SMIM10L3: variants seen among roughly 807,000 people sequenced by gnomAD.
SMIM10L3 encodes salivary gland specific protein SAGSIN1.
At chr7:6,344,478 A>C in the SMIM10L3 span, among the ~76,000 whole-genome samples, 1 of 152,022 alleles carries the variant, frequency 6.6e-6, no homozygotes, top group Non-Finnish European at 1.5e-5. Context: ...CCTGGAGTAC[A>C]GTGGTACAAT....
At chr7:6,334,053 A>G in the SMIM10L3 span, among the ~76,000 whole-genome samples, 5 of 150,770 alleles carry the variant, frequency 3.3e-5, no homozygotes, top group Non-Finnish European at 7.4e-5. Context: ...TCACCATGTT[A>G]GCCAGGATGG....
chr7:6,337,889 C>T, the SMIM10L3 span, among the ~76,000 whole-genome samples: 11,719 of 151,520 alleles, frequency 0.077, 1,188 homozygotes, highest in East Asian at 0.51. Flanking sequence ...CTGCAACCTC[C>T]GCCTCCCAGG....
chr7:6,333,087 G>A, the SMIM10L3 span, among the ~76,000 whole-genome samples: 1 of 151,216 alleles, frequency 6.6e-6, no homozygotes. Flanking sequence ...AACCCGGGAG[G>A]CAGAGGTTGC....
the SMIM10L3 span, chr7:6,330,087 G>A: frequency 2.7e-6 from 1 of 369,282 alleles, no homozygotes; most frequent in East Asian, 6.3e-5. Context: ...AGAACTTCAT[G>A]GTAAATCCGT....
chr7:6,339,453 T>C, the SMIM10L3 span, among the ~76,000 whole-genome samples: 76,676 of 151,696 alleles, frequency 0.51, 21,474 homozygotes, highest in East Asian at 0.88. Flanking sequence ...AAATAAATCA[T>C]CTGCCCCTAT....
chr7:6,332,576 T>C, the SMIM10L3 span, among the ~76,000 whole-genome samples: 2 of 151,846 alleles, frequency 1.3e-5, no homozygotes, highest in Non-Finnish European at 2.9e-5. Context: ...TCAGCAGCTA[T>C]AGTCCCAGAT....
At chr7:6,343,748 G>T in the SMIM10L3 span, among the ~76,000 whole-genome samples, 2 of 151,942 alleles carry the variant, frequency 1.3e-5, no homozygotes, top group African/African-American at 4.8e-5. Context: ...TCCTAAAGAG[G>T]TATTAACCTC....
chr7:6,346,921 G>A, the SMIM10L3 span, among the ~76,000 whole-genome samples: 2 of 152,134 alleles, frequency 1.3e-5, no homozygotes, highest in Admixed American at 6.6e-5. Context: ...CCCAAAGGAG[G>A]GTCCCTCCTT....
the SMIM10L3 span, among the ~76,000 whole-genome samples, chr7:6,337,616 G>A: frequency 6.6e-5 from 10 of 151,292 alleles, 1 homozygote; most frequent in African/African-American, 1.7e-4. Context: ...GCAAACTAAC[G>A]CAGTATAAGG....
the SMIM10L3 span, among the ~76,000 whole-genome samples, chr7:6,332,072 A>G: frequency 1.3e-5 from 2 of 149,888 alleles, no homozygotes; most frequent in African/African-American, 4.9e-5. Flanking sequence ...AGATCATGCC[A>G]CTGCACTCCA....
chr7:6,343,118 T>C, the SMIM10L3 span, among the ~76,000 whole-genome samples: 1 of 151,340 alleles, frequency 6.6e-6, no homozygotes, highest in South Asian at 2.1e-4. Context: ...GGCTTACACC[T>C]GTAATCCCAG....
the SMIM10L3 span, chr7:6,330,245 A>G: frequency 3.4e-6 from 3 of 892,204 alleles, no homozygotes; most frequent in Non-Finnish European, 5.1e-6. Context: ...ATTTACTTTA[A>G]GTCTGCCAGG....
chr7:6,330,868 G>A, the SMIM10L3 span: 7 of 1,614,076 alleles, frequency 4.3e-6, no homozygotes, highest in African/African-American at 1.3e-5. Flanking sequence ...AGTGGCTGCT[G>A]AGGCTGGATT....
the SMIM10L3 span, among the ~76,000 whole-genome samples, chr7:6,338,934 C>T: frequency 2.6e-5 from 4 of 152,302 alleles, no homozygotes; most frequent in East Asian, 3.9e-4. Flanking sequence ...AGCTCACACA[C>T]GCTCCCAGAT....
chr7:6,345,848 A>G, the SMIM10L3 span, among the ~76,000 whole-genome samples: 5 of 151,922 alleles, frequency 3.3e-5, no homozygotes, highest in Non-Finnish European at 5.9e-5. Flanking sequence ...GGCTCACTGC[A>G]ACCTCCATCT....
chr7:6,333,563 A>G, the SMIM10L3 span, among the ~76,000 whole-genome samples: 8 of 152,072 alleles, frequency 5.3e-5, no homozygotes, highest in Admixed American at 3.3e-4. Context: ...CAATGGCGTG[A>G]TCACAGCTCA....
the SMIM10L3 span, chr7:6,330,694 C>T: frequency 1.1e-5 from 17 of 1,613,976 alleles, no homozygotes; most frequent in African/African-American, 5.3e-5. Context: ...GCGTGGCAGT[C>T]GTGACACCCG....
the SMIM10L3 span, among the ~76,000 whole-genome samples, chr7:6,337,544 C>T: frequency 1.3e-5 from 2 of 151,588 alleles, no homozygotes; most frequent in African/African-American, 4.9e-5. Context: ...AAAGGTGAAA[C>T]ATTTCTAGAA....
chr7:6,336,350 AAAAAG>A, the SMIM10L3 span, among the ~76,000 whole-genome samples: 4 of 151,774 alleles, frequency 2.6e-5, no homozygotes, highest in Non-Finnish European at 4.4e-5. Flanking sequence ...CTGTGACTCA[AAAAAG>A]AAAAGAAAAA....
Sources: allele counts gnomAD v4.1 joint callset (sites outside exome capture counted in the v4.1 genomes callset), GRCh38; gene constraint gnomAD v4.1.1; transcripts MANE v1.5; gene names NCBI Gene and HGNC (gene_info 2026-07-23, HGNC 2026-07-21).